ARNT2: variants seen among roughly 807,000 people sequenced by gnomAD.
The protein encoded by ARNT2 is ARNT protein 2.
Under a neutral mutation model 91.7 loss-of-function variants are expected in ARNT2, and 36 were observed. The observed-to-expected ratio is 0.39, with a 90% CI of 0.30 to 0.52. ARNT2 has a LOEUF of 0.52. Ranked by LOEUF, ARNT2 falls within the 20% of genes least tolerant of loss-of-function variation. The pLI is 0.72. For missense variants in ARNT2, 775 were observed against 939.3 expected, an observed-to-expected ratio of 0.83 and a Z score of 2.29; for synonymous variants, 365 against 347.1, an observed-to-expected ratio of 1.05 and a Z score of -0.57.
intron 1 of ARNT2, chr15:80,434,126 G>A (rs768910103): frequency 6.6e-6 from 1 of 152,248 alleles, no homozygotes; most frequent in Non-Finnish European, 1.5e-5. Flanking sequence ...GGGGAAAAAG[G>A]CTTCTGGCTT....
intron 3 of ARNT2, among the ~76,000 whole-genome samples, chr15:80,463,667 C>T (rs1350181505): frequency 6.6e-6 from 1 of 150,560 alleles, no homozygotes; most frequent in African/African-American, 2.5e-5. Flanking sequence ...CAATGTCTGC[C>T]TCCTGGGTTC....
intron 5 of ARNT2, among the ~76,000 whole-genome samples, chr15:80,488,222 G>A (rs1897004405): frequency 6.6e-6 from 1 of 152,200 alleles, no homozygotes; most frequent in African/African-American, 2.4e-5. Context: ...TAAAGAGGGA[G>A]TAGGCGGTGA....
At chr15:80,531,492 T>C (rs955727311) in intron 8 of ARNT2, among the ~76,000 whole-genome samples, 4 of 152,360 alleles carry the variant, frequency 2.6e-5, no homozygotes, top group Non-Finnish European at 5.9e-5. Flanking sequence ...CCTGTTCATA[T>C]TAAAAATCAG....
chr15:80,442,633 G>A (rs1341137669), intron 1 of ARNT2, among the ~76,000 whole-genome samples: 11 of 152,240 alleles, frequency 7.2e-5, no homozygotes, highest in Non-Finnish European at 1.6e-4. Context: ...GAGGAAAATA[G>A]TGATGAAGCC....
intron 4 of ARNT2, among the ~76,000 whole-genome samples, chr15:80,474,252 C>G (rs562752709): frequency 6.6e-6 from 1 of 152,278 alleles, no homozygotes; most frequent in South Asian, 2.1e-4. Flanking sequence ...ATCCCAGTTT[C>G]CTCCCTGCCT....
intron 5 of ARNT2, among the ~76,000 whole-genome samples, chr15:80,493,719 A>G (rs932338730): frequency 6.6e-6 from 1 of 152,084 alleles, no homozygotes; most frequent in African/African-American, 2.4e-5. Flanking sequence ...TTGTTTCCTC[A>G]TATTGGTTGA....
At chr15:80,581,898 T>C (rs1304093837) in intron 17 of ARNT2, among the ~76,000 whole-genome samples, 2 of 152,228 alleles carry the variant, frequency 1.3e-5, no homozygotes, top group Non-Finnish European at 2.9e-5. Flanking sequence ...TTTCTCAGGA[T>C]CCTGGGCCTT....
intron 1 of ARNT2, 75 bp from the exon 2 acceptor site, chr15:80,450,805 C>T: frequency 7.0e-7 from 1 of 1,433,876 alleles, no homozygotes; most frequent in East Asian, 2.3e-5. Context: ...GCTTCTGGTA[C>T]CGTATCACAA....
chr15:80,548,598 A>G (rs10454698), intron 8 of ARNT2, among the ~76,000 whole-genome samples: 50 of 152,276 alleles, frequency 3.3e-4, no homozygotes, highest in African/African-American at 1.1e-3. Context: ...AATAGCCTTC[A>G]TATACATAAA....
intron 12 of ARNT2, chr15:80,573,927 T>C (rs374482232): frequency 2.2e-5 from 12 of 545,604 alleles, no homozygotes; most frequent in African/African-American, 7.6e-5. Flanking sequence ...CACGTCAAAA[T>C]TGGTTTCTTA....
At chr15:80,486,145 G>T (rs1229570423) in intron 5 of ARNT2, among the ~76,000 whole-genome samples, 1 of 152,086 alleles carries the variant, frequency 6.6e-6, no homozygotes, top group African/African-American at 2.4e-5. Flanking sequence ...TCATAAGGTG[G>T]CATTTTCCCT....
intron 3 of ARNT2, among the ~76,000 whole-genome samples, chr15:80,466,380 TTGAAAC>T (rs1192171545): frequency 6.6e-6 from 1 of 152,224 alleles, no homozygotes; most frequent in East Asian, 1.9e-4. Flanking sequence ...AGAGGTGTCT[TTGAAAC>T]TGACAGCTCT....
rs369750621 is a variant in ARNT2 at position 80,438,923 on chromosome 15, T to C, written c.32-11957T>C. Among the ~76,000 whole-genome samples, 35 of 152,350 alleles carry C rather than the reference T, an allele frequency of 2.3e-4. 1 individual carries two copies. In the East Asian group the frequency reaches 3.7e-3, roughly 16 times the overall value. On this transcript the variant is annotated intron_variant, in intron 1 of 18. Transcript: ENST00000303329. ...CCAGACTGGTCTCGAACTCGTGACC[T>C]CGTGATCCGCCCATCTCGGCCTCCC...
intron 12 of ARNT2, among the ~76,000 whole-genome samples, chr15:80,568,504 G>A (rs559874165): frequency 2.6e-5 from 4 of 152,252 alleles, no homozygotes; most frequent in South Asian, 4.2e-4. Flanking sequence ...AGTCTCTCTC[G>A]AGCTGACTCA....
intron 14 of ARNT2, 113 bp from the exon 15 acceptor site, chr15:80,576,753 A>C (rs1428076125): frequency 1.5e-5 from 16 of 1,091,820 alleles, no homozygotes; most frequent in Middle Eastern, 2.0e-4. Context: ...GGCTGCCCTG[A>C]CTTGTGTCCT....
At chr15:80,535,996 C>T (rs1405879085) in intron 8 of ARNT2, among the ~76,000 whole-genome samples, 1 of 152,202 alleles carries the variant, frequency 6.6e-6, no homozygotes, top group Non-Finnish European at 1.5e-5. Flanking sequence ...TTTCTCTCTG[C>T]ATGTCTGCTT....
chr15:80,476,878 G>A (rs772633875), intron 5 of ARNT2, among the ~76,000 whole-genome samples: 29 of 152,182 alleles, frequency 1.9e-4, no homozygotes, highest in Admixed American at 1.9e-3. Context: ...CAAATGTCAT[G>A]TTCAATTGTA....
intron 5 of ARNT2, among the ~76,000 whole-genome samples, chr15:80,501,636 G>C (rs1897193860): frequency 6.6e-6 from 1 of 152,172 alleles, no homozygotes; most frequent in Non-Finnish European, 1.5e-5. Flanking sequence ...CAGGAGGCAG[G>C]GGCTAACTCC....
At chr15:80,566,828 C>G (rs929127702) in intron 12 of ARNT2, among the ~76,000 whole-genome samples, 2 of 152,190 alleles carry the variant, frequency 1.3e-5, no homozygotes, top group Admixed American at 1.3e-4. Flanking sequence ...CTAGTCAAGA[C>G]GTTCTTGGTT....
Sources: allele counts gnomAD v4.1 joint callset (sites outside exome capture counted in the v4.1 genomes callset), GRCh38; gene constraint gnomAD v4.1.1; transcripts MANE v1.5; gene names NCBI Gene and HGNC (gene_info 2026-07-23, HGNC 2026-07-21).